The following PIEZO2 variants were observed in gnomAD, a reference collection of about 807,000 sequenced individuals.
PIEZO2 encodes the protein piezo-type mechanosensitive ion channel component 2.
PIEZO2 carries 172 observed loss-of-function variants against 337.3 expected under a neutral mutation model. That is an observed-to-expected ratio of 0.51 (90% confidence interval 0.45 to 0.58). The LOEUF is 0.58. Ranked by LOEUF, PIEZO2 falls within the 20% of genes least tolerant of loss-of-function variation. PIEZO2 has a pLI of 0.00. For missense variants in PIEZO2, 3,028 were observed against 3,391.3 expected (o/e 0.89, Z 2.66); for synonymous variants, 1,251 against 1,228.5 (o/e 1.02, Z -0.38).
At position 10,903,812 on chromosome 18, in the gene PIEZO2, T is replaced by C. The variant is rs1598658501; in HGVS notation, c.329+7374A>G. Among the ~76,000 whole-genome samples the C allele has an allele frequency of 6.6e-6, 1 of 152,202 alleles. No homozygotes were observed. The highest frequency in any genetic ancestry group is 1.9e-4 in the East Asian group (1 of 5,204). ...AACAGTTCAGATGGATGAATGCCAA[T>C]GAAGCCATTCTTCAAAACTCTGCCC... On this transcript the variant is annotated intron_variant, in intron 4 of 55. Coordinates refer to ENST00000674853, the MANE Select transcript of PIEZO2 (RefSeq NM_001378183.1). This position sits in a 1 kb window ranked among gnomAD's most constrained non-coding sequence, Gnocchi z 4.1.
rs762220299 is a variant in PIEZO2, at chr18:10,813,971, A to AT, written c.918-6698dup. Among the ~76,000 whole-genome samples the AT allele has an allele frequency of 8.4e-3, 1,202 of 142,688 alleles. 16 individuals carry two copies. Among genetic ancestry groups the AT allele is most frequent in the African/African-American group, 0.024 (947 of 38,934 alleles). 93.6% of individuals were successfully genotyped at this position (142,688 alleles called of 152,430 possible). Reference sequence around the variant, plus strand: ...ATAGGTGTGAGATGGGACACCATATATTTTTTTTTTTTTTGAGATGGAGTT... The same window carrying AT: ...ATAGGTGTGAGATGGGACACCATATATTTTTTTTTTTTTTTGAGATGGAGTT... On this transcript the variant is annotated intron_variant, in intron 7 of 55. Transcript: ENST00000674853. The surrounding 1 kb of genome is among the most constrained non-coding windows in gnomAD (Gnocchi z 4.2).
intron 4 of PIEZO2, among the ~76,000 whole-genome samples, chr18:10,893,447 C>A (rs1047309517): frequency 2.0e-5 from 3 of 151,272 alleles, no homozygotes; most frequent in African/African-American, 7.4e-5. Context: ...AATATTGACC[C>A]CTCTTTAATT....
chr18:10,769,510 T>C lies in PIEZO2; in HGVS notation c.2946+638A>G, dbSNP rs549161680. ...AGGCAGTACTCCCTTGATTAATTTTTAGAGGGCAAAGAATTCTTGAATTGT... is the reference window on the plus strand; with the variant it reads ...AGGCAGTACTCCCTTGATTAATTTTCAGAGGGCAAAGAATTCTTGAATTGT... On this transcript the variant is annotated intron_variant, in intron 21 of 55. Coordinates refer to ENST00000674853, the MANE Select transcript of PIEZO2 (RefSeq NM_001378183.1). Among the ~76,000 whole-genome samples, 33 of 152,390 alleles carry C rather than the reference T, an allele frequency of 2.2e-4. 1 individual carries two copies. Among genetic ancestry groups the C allele is most frequent in the Admixed American group, 3.9e-4 (6 of 15,312 alleles).
chr18:11,072,849 G>A (rs4797498), intron 1 of PIEZO2, among the ~76,000 whole-genome samples: 78,000 of 151,988 alleles, frequency 0.51, 22,127 homozygotes, highest in East Asian at 0.97. Context: ...GTCAAGGCCG[G>A]GCTAGGATTA....
intron 4 of PIEZO2, among the ~76,000 whole-genome samples, chr18:10,875,469 A>T (rs1244741275): frequency 6.6e-6 from 1 of 152,166 alleles, no homozygotes; most frequent in Non-Finnish European, 1.5e-5. Flanking sequence ...CCAGTAAGAA[A>T]AAAGGCCAGG....
chr18:10,808,294 G>A (rs1449758538), intron 7 of PIEZO2, among the ~76,000 whole-genome samples: 1 of 152,102 alleles, frequency 6.6e-6, no homozygotes, highest in African/African-American at 2.4e-5. Flanking sequence ...GTCTCATTAT[G>A]TTGCCCAGGC....
chr18:10,912,180 C>T (rs1321166833), intron 3 of PIEZO2, among the ~76,000 whole-genome samples: 5 of 151,954 alleles, frequency 3.3e-5, no homozygotes, highest in Admixed American at 3.3e-4. Flanking sequence ...AGATGTTATA[C>T]AATTTTTCTA....
intron 2 of PIEZO2, among the ~76,000 whole-genome samples, chr18:11,060,748 A>G (rs1486281720): frequency 6.6e-6 from 1 of 152,218 alleles, no homozygotes; most frequent in Admixed American, 6.5e-5. Context: ...CAGGCTCTGA[A>G]ATTGAGGCAA....
At position 11,077,899 on chromosome 18, in the gene PIEZO2, A is replaced by G. The variant is rs932902527; in HGVS notation, c.65-11677T>C. ...TCACAAACAAGAGAAATCAGTTTCAATCTTATTCAGTCCCCTGACATTCAA... is the reference window on the plus strand; with the variant it reads ...TCACAAACAAGAGAAATCAGTTTCAGTCTTATTCAGTCCCCTGACATTCAA... On this transcript the variant is annotated intron_variant, in intron 1 of 55. Transcript: ENST00000674853. This position sits in a 1 kb window ranked among gnomAD's most constrained non-coding sequence, Gnocchi z 4.8. Among the ~76,000 whole-genome samples the G allele has an allele frequency of 1.3e-5, 2 of 152,172 alleles. No individual in the cohort carries two copies. Among genetic ancestry groups the G allele is most frequent in the Non-Finnish European group, 2.9e-5 (2 of 68,032 alleles).
At chr18:10,977,534 A>G (rs894709558) in intron 3 of PIEZO2, among the ~76,000 whole-genome samples, 6 of 152,106 alleles carry the variant, frequency 3.9e-5, no homozygotes, top group Non-Finnish European at 8.8e-5. Flanking sequence ...TACTACTACT[A>G]ACATTATTGT....
At chr18:10,889,417 C>G (rs112341934) in intron 4 of PIEZO2, among the ~76,000 whole-genome samples, 19 of 152,142 alleles carry the variant, frequency 1.2e-4, no homozygotes, top group African/African-American at 4.6e-4. Flanking sequence ...AATGGTTGAC[C>G]CTGAAAACTA....
chr18:10,925,193 A>G (rs924615838), intron 3 of PIEZO2, among the ~76,000 whole-genome samples: 5 of 152,244 alleles, frequency 3.3e-5, no homozygotes, highest in African/African-American at 1.2e-4. Flanking sequence ...ACCATGTGTC[A>G]CACATTTCAA....
At chr18:11,075,481 C>T (rs1318314698) in intron 1 of PIEZO2, among the ~76,000 whole-genome samples, 1 of 152,186 alleles carries the variant, frequency 6.6e-6, no homozygotes, top group Non-Finnish European at 1.5e-5. Flanking sequence ...TCGGTTGAAA[C>T]CGTAAATGTC....
chr18:11,107,715 A>G (rs1420024786), intron 1 of PIEZO2, among the ~76,000 whole-genome samples: 1 of 152,180 alleles, frequency 6.6e-6, no homozygotes, highest in Non-Finnish European at 1.5e-5. Context: ...AATCCCTGTA[A>G]TTTCACCTTC....
intron 7 of PIEZO2, among the ~76,000 whole-genome samples, chr18:10,829,168 T>G (rs1423466503): frequency 6.6e-6 from 1 of 152,210 alleles, no homozygotes; most frequent in Non-Finnish European, 1.5e-5. Context: ...TTATAACTTA[T>G]GCTTATTTGC....
At position 10,676,867 on chromosome 18, in the gene PIEZO2, G is replaced by A. The variant is rs2034029524; in HGVS notation, c.8081+880C>T. Among the ~76,000 whole-genome samples the A allele has an allele frequency of 6.6e-6, 1 of 152,288 alleles. No homozygotes were observed. Among genetic ancestry groups the A allele is most frequent in the African/African-American group, 2.4e-5 (1 of 41,566 alleles). ...CTGAATCATTTTAGTGCAGTCCCAT[G>A]TCCCATTCCTGAATAGGGCCCTTGG... On this transcript the variant is annotated intron_variant, in intron 53 of 55. Transcript: ENST00000674853. The surrounding 1 kb of genome is among the most constrained non-coding windows in gnomAD (Gnocchi z 5.1).
In PIEZO2 at chr18:10,681,771, C is replaced by T; in HGVS notation, c.7687-18G>A. The T allele has an allele frequency of 6.4e-7, 1 of 1,563,768 alleles. No homozygotes were observed. ...AAAATAGGCTGGAAAACAAAGAGAACAGTGTTGTCAATATTCCCCAGCTCT... is the reference window on the plus strand; with the variant it reads ...AAAATAGGCTGGAAAACAAAGAGAATAGTGTTGTCAATATTCCCCAGCTCT... On this transcript the variant is annotated intron_variant, in intron 50 of 55. Transcript: ENST00000674853.
chr18:10,741,866 T>G (rs1364157455), intron 32 of PIEZO2, among the ~76,000 whole-genome samples: 1 of 151,998 alleles, frequency 6.6e-6, no homozygotes, highest in East Asian at 1.9e-4. Context: ...AGAAACAAAT[T>G]AAGCGGGCTG....
intron 2 of PIEZO2, among the ~76,000 whole-genome samples, chr18:11,056,262 C>T (rs368870631): frequency 2.6e-5 from 4 of 152,134 alleles, no homozygotes; most frequent in Non-Finnish European, 4.4e-5. Flanking sequence ...CTCCCTTCAG[C>T]CACCCCCAAT....
Sources: allele counts gnomAD v4.1 joint callset (sites outside exome capture counted in the v4.1 genomes callset), GRCh38; gene constraint gnomAD v4.1.1; non-coding constraint Gnocchi (gnomAD v3.1); transcripts MANE v1.5; gene names NCBI Gene and HGNC (gene_info 2026-07-23, HGNC 2026-07-21).